Variants in NTSR2 observed in about 807,000 individuals in gnomAD.
The protein encoded by NTSR2 is neurotensin receptor 2.
In NTSR2, 22 loss-of-function variants were observed where a neutral mutation model predicts 24.1. That is an observed-to-expected ratio of 0.91 (90% CI 0.65 to 1.30). NTSR2 has a LOEUF of 1.30. Ranked by LOEUF, NTSR2 falls within the 50% of genes most tolerant of loss-of-function variation. The pLI is 0.00. For synonymous variants in NTSR2, 291 were observed against 267.0 expected, an observed-to-expected ratio of 1.09 and a Z score of -0.88; for missense variants, 570 against 570.4, an observed-to-expected ratio of 1.00 and a Z score of 0.01.
At position 11,669,877 on chromosome 2, in the gene NTSR2, C is replaced by CCAGCAG. The variant is rs752638730; in HGVS notation, c.247_252dup (p.Leu83_Leu84dup). ...CTGTAGAGCTCCACCGGCACGCCGA[C>CCAGCAG]CAGCAGCAGCAGCAGGCCCGCGAGC... On this transcript the variant is annotated inframe_insertion, in exon 1 of 4. Coordinates refer to ENST00000306928, the MANE Select transcript of NTSR2 (RefSeq NM_012344.4). The CCAGCAG allele has an allele frequency of 1.3e-6, 2 of 1,584,114 alleles. No homozygotes were observed. Among genetic ancestry groups the CCAGCAG allele is most frequent in the Middle Eastern group, 1.9e-4 (1 of 5,284 alleles).
At chr2:11,658,826 C>T in intron 3 of NTSR2, 104 bp from the exon 4 acceptor site, 1 of 1,316,324 alleles carries the variant, frequency 7.6e-7, no homozygotes, top group Admixed American at 2.1e-5. Flanking sequence ...CATGACGAAG[C>T]CTATTTTCTG....
intron 1 of NTSR2, among the ~76,000 whole-genome samples, chr2:11,665,001 G>T (rs1046843174): frequency 6.6e-6 from 1 of 151,138 alleles, no homozygotes; most frequent in Admixed American, 6.6e-5. Flanking sequence ...ACCATGTCAA[G>T]GAAACTGTGA....
In NTSR2 at chr2:11,666,628, G is replaced by T. The variant is rs574781913; in HGVS notation, c.624+2878C>A. Among the ~76,000 whole-genome samples the T allele has an allele frequency of 2.0e-5, 3 of 152,326 alleles. No individual in the cohort carries two copies. In the East Asian group the frequency reaches 5.8e-4, roughly 29 times the overall value. ...GCAGGAGAATCGCTTGAACCCAGAAGGCCGAGGTTGCAGTGAGCCGAGAAT... is the reference window on the plus strand; with the variant it reads ...GCAGGAGAATCGCTTGAACCCAGAATGCCGAGGTTGCAGTGAGCCGAGAAT... On this transcript the variant is annotated intron_variant, in intron 1 of 3. Transcript: ENST00000306928.
chr2:11,659,911 G>A (rs77990241), intron 3 of NTSR2, 132 bp downstream of exon 3: 22,824 of 656,220 alleles, frequency 0.035, 788 homozygotes, highest in African/African-American at 0.14. Flanking sequence ...GACTGCACGG[G>A]ACCAGGTGGA....
At chr2:11,666,613 C>T (rs13382438) in intron 1 of NTSR2, among the ~76,000 whole-genome samples, 3,452 of 152,198 alleles carry the variant, frequency 0.023, 139 homozygotes, top group African/African-American at 0.077. Flanking sequence ...GCAGGAGAAT[C>T]GCTTGAACCC....
chr2:11,669,464 C>CGGGGGGGGGGGGGGGGCGG, intron 1 of NTSR2, 42 bp downstream of exon 1: 1 of 159,496 alleles, frequency 6.3e-6, no homozygotes, highest in Non-Finnish European at 1.3e-5. Context: ...AGCACCGCCC[C>CGGGGGGGGGGGGGGGGCGG]CCCACCCCCC....
At chr2:11,666,438 C>T (rs1450659722) in intron 1 of NTSR2, among the ~76,000 whole-genome samples, 2 of 152,194 alleles carry the variant, frequency 1.3e-5, no homozygotes, top group East Asian at 1.9e-4. Flanking sequence ...TGGTGGCTCA[C>T]GGCTATAATC....
chr2:11,658,584 C>G lies in NTSR2; in HGVS notation c.1128G>C (p.Leu376=). The G allele has an allele frequency of 6.2e-7, 1 of 1,614,174 alleles. No individual in the cohort carries two copies. Among genetic ancestry groups the G allele is most frequent in the Non-Finnish European group, 8.5e-7 (1 of 1,180,040 alleles). The change falls in exon 4 of 4, where the codon CTG becomes CTC. Residue 376 remains leucine, a synonymous_variant. Coordinates refer to ENST00000306928, the MANE Select transcript of NTSR2 (RefSeq NM_012344.4). ...RKLFLEAVSS[L]CGEHHPMKRL... The stretch of plus-strand genomic sequence containing the variant: ...GCTTCATGGGGTGGTGCTCTCCACA[C>G]AGGGAGCTGACGGCTTCCAGGAAGA...
chr2:11,660,223 G>A (rs114317460), intron 2 of NTSR2, 90 bp from the exon 3 acceptor site: 14 of 981,846 alleles, frequency 1.4e-5, no homozygotes, highest in Non-Finnish European at 2.1e-5. Context: ...GATGCCCGAG[G>A]GGATAGCAGC....
intron 1 of NTSR2, 46 bp downstream of exon 1, chr2:11,669,460 G>GGGGGGGGGGGGGGGCGGGGCCC: frequency 3.9e-6 from 1 of 254,726 alleles, no homozygotes; most frequent in Non-Finnish European, 6.9e-6. Flanking sequence ...TCCCAGCACC[G>GGGGGGGGGGGGGGGCGGGGCCC]CCCCCCCACC....
chr2:11,667,862 C>T (rs1378452174), intron 1 of NTSR2, among the ~76,000 whole-genome samples: 1 of 152,200 alleles, frequency 6.6e-6, no homozygotes, highest in Admixed American at 6.5e-5. Flanking sequence ...TTGCTCATGG[C>T]AGATTCCATG....
intron 1 of NTSR2, 46 bp downstream of exon 1, chr2:11,669,460 G>GGGGGGGGGGGGGGGGGGCCCCCCCC: frequency 3.9e-6 from 1 of 254,722 alleles, no homozygotes; most frequent in South Asian, 1.6e-4. Flanking sequence ...TCCCAGCACC[G>GGGGGGGGGGGGGGGGGGCCCCCCCC]CCCCCCCACC....
chr2:11,663,215 CAAAT>C lies in NTSR2; in HGVS notation c.625-979_625-976del, dbSNP rs529932854. Among the ~76,000 whole-genome samples the C allele has an allele frequency of 2.0e-5, 3 of 152,212 alleles. No individual in the cohort carries two copies. The East Asian group carries it at 5.8e-4, about 29-fold the overall frequency. ...GGAGATTAAAAGAACATGTTCTAGA[CAAAT>C]AAGGTTATAAGCCAATAAAGAGGAA... On this transcript the variant is annotated intron_variant, in intron 1 of 3. Transcript: ENST00000306928.
intron 1 of NTSR2, among the ~76,000 whole-genome samples, chr2:11,663,825 G>C (rs1177612020): frequency 2.0e-5 from 3 of 152,082 alleles, no homozygotes; most frequent in African/African-American, 7.2e-5. Flanking sequence ...AAGCTAGTAT[G>C]CTCTTTAGAA....
Position 11,662,112 on chromosome 2 carries a change from G to A in NTSR2, c.753C>T (p.Pro251=). The A allele has an allele frequency of 6.2e-7, 1 of 1,612,958 alleles. No homozygotes were observed. Among genetic ancestry groups the A allele is most frequent in the African/African-American group, 1.3e-5 (1 of 75,032 alleles). Residue 251 remains proline, a synonymous_variant, in exon 2 of 4, where the codon CCC becomes CCT. Coordinates refer to ENST00000306928, the MANE Select transcript of NTSR2 (RefSeq NM_012344.4). ...CCTCACTCAGCAGCTCCAGGCGGCT[G>A]GGGGTGGAGCTGCCCGGGGTAGAAG... ...PSTSTPGSST[P]SRLELLSEEG...
Position 11,658,381 on chromosome 2 carries a change from G to A in NTSR2, c.*98C>T. ...GGGGTTGATAGAAGTCGCCCTGGCT[G>A]CGAAGCTTGAATGATTAGTGATGAG... On this transcript the variant is annotated 3_prime_UTR_variant, in exon 4 of 4. Coordinates refer to ENST00000306928, the MANE Select transcript of NTSR2 (RefSeq NM_012344.4). The A allele has an allele frequency of 6.7e-7, 1 of 1,491,860 alleles. No homozygotes were observed. The highest frequency in any genetic ancestry group is 1.4e-5 in the South Asian group (1 of 73,172). The allele number at this position is 1,491,860 out of a possible 1,614,324, so 92.4% of individuals were successfully genotyped here. A position where few individuals can be genotyped will look rare whatever the true frequency, so the allele number is the denominator to read the frequency against.
Position 11,662,043 on chromosome 2 carries a change from C to T in NTSR2, c.822G>A (p.Gln274=). 6.2e-7 allele frequency: 1 copy of T among 1,613,594 alleles called. No individual in the cohort carries two copies. ...SFIVWKKTFI[Q]GGQVSLVRHK... ...GTCTCACCAGGCTGACCTGGCCTCCCTGGATAAAGGTCTTCTTCCATACGA... is the reference window on the plus strand; with the variant it reads ...GTCTCACCAGGCTGACCTGGCCTCCTTGGATAAAGGTCTTCTTCCATACGA... Residue 274 remains glutamine, a synonymous_variant, in exon 2 of 4, where the codon CAG becomes CAA. Coordinates refer to ENST00000306928, the MANE Select transcript of NTSR2 (RefSeq NM_012344.4).
chr2:11,663,038 G>C (rs1406665097), intron 1 of NTSR2, among the ~76,000 whole-genome samples: 1 of 152,198 alleles, frequency 6.6e-6, no homozygotes, highest in East Asian at 1.9e-4. Flanking sequence ...AAAATCATGA[G>C]CAGTGCTTTA....
At chr2:11,669,460 G>GGGGCGGCGCC in intron 1 of NTSR2, 46 bp downstream of exon 1, 1 of 254,726 alleles carries the variant, frequency 3.9e-6, no homozygotes, top group Non-Finnish European at 6.9e-6. Context: ...TCCCAGCACC[G>GGGGCGGCGCC]CCCCCCCACC....
Sources: gnomAD v4.1 joint callset for allele counts (sites outside exome capture counted in the v4.1 genomes callset) on GRCh38, gnomAD v4.1.1 for gene constraint, MANE v1.5 for transcripts, NCBI Gene and HGNC (gene_info 2026-07-23, HGNC 2026-07-21) for gene names.